The following ATP9B variants were observed in gnomAD, a reference collection of about 807,000 sequenced individuals.
ATP9B encodes the protein ATPase phospholipid transporting 9B.
A neutral mutation model predicts 146.1 loss-of-function variants in ATP9B; 110 were observed. The ratio of observed to expected loss-of-function variants is 0.75; its 90% CI spans 0.65 to 0.88. The LOEUF (loss-of-function observed/expected upper bound fraction) is 0.88. Ranked by LOEUF, ATP9B falls within the 40% of genes least tolerant of loss-of-function variation. The probability of loss-of-function intolerance (pLI) is 0.00; values close to 1 mark genes in which losing one functional copy is unlikely to be tolerated. For synonymous variants in ATP9B, 604 were observed against 569.7 expected (o/e 1.06, Z -0.86); for missense variants, 1,499 against 1,496.4 (o/e 1.00, Z -0.03).
chr18:79,202,504 G>A (rs150039535), intron 9 of ATP9B, among the ~76,000 whole-genome samples: 24 of 152,276 alleles, frequency 1.6e-4, no homozygotes, highest in Non-Finnish European at 2.9e-4. Context: ...TGTTTGTTAA[G>A]TAGGGTATGC....
chr18:79,312,179 C>G (rs901690025), intron 15 of ATP9B, among the ~76,000 whole-genome samples: 2 of 152,128 alleles, frequency 1.3e-5, no homozygotes, highest in African/African-American at 4.8e-5. Context: ...CAACCAGTGC[C>G]CCATCCAAAT....
At chr18:79,247,795 G>T (rs1347719463) in intron 11 of ATP9B, among the ~76,000 whole-genome samples, 1 of 152,062 alleles carries the variant, frequency 6.6e-6, no homozygotes, top group East Asian at 1.9e-4. Flanking sequence ...ATGTTCAAGG[G>T]AAAACATTTT....
At chr18:79,295,408 A>T (rs2096540755) in intron 13 of ATP9B, among the ~76,000 whole-genome samples, 1 of 152,234 alleles carries the variant, frequency 6.6e-6, no homozygotes, top group African/African-American at 2.4e-5. Context: ...AGAAAACTTG[A>T]ATCTTTTACT....
chr18:79,164,778 C>T (rs974544389), intron 7 of ATP9B, among the ~76,000 whole-genome samples: 1 of 152,066 alleles, frequency 6.6e-6, no homozygotes, highest in African/African-American at 2.4e-5. Context: ...GATTTAGGCA[C>T]TGAGTTGCTA....
intron 15 of ATP9B, among the ~76,000 whole-genome samples, chr18:79,327,428 C>A (rs1238704097): frequency 6.6e-6 from 1 of 151,498 alleles, no homozygotes; most frequent in Non-Finnish European, 1.5e-5. Flanking sequence ...TTGCAGAGAG[C>A]GTGCTCTCCA....
intron 3 of ATP9B, among the ~76,000 whole-genome samples, chr18:79,112,372 G>C (rs1025999772): frequency 3.9e-5 from 6 of 152,162 alleles, no homozygotes; most frequent in South Asian, 2.1e-4. Flanking sequence ...CTAATAATTA[G>C]AGGCGTTTGT....
intron 9 of ATP9B, among the ~76,000 whole-genome samples, chr18:79,204,771 CCTT>C (rs1247625239): frequency 1.3e-5 from 2 of 152,174 alleles, no homozygotes; most frequent in African/African-American, 4.8e-5. Flanking sequence ...GGCGCCTGCT[CCTT>C]AAGACCATTG....
chr18:79,206,848 TG>T, intron 9 of ATP9B, 88 bp from the exon 10 acceptor site: 1 of 1,218,952 alleles, frequency 8.2e-7, no homozygotes, highest in Non-Finnish European at 1.2e-6. Context: ...ATTGAGCTTG[TG>T]GACCTGTTTC....
chr18:79,212,614 T>C (rs1282250012), intron 10 of ATP9B, among the ~76,000 whole-genome samples: 1 of 152,214 alleles, frequency 6.6e-6, no homozygotes, highest in African/African-American at 2.4e-5. Flanking sequence ...AAACAGAAAA[T>C]ACTGATCAGA....
chr18:79,356,357 G>C (rs1289587793), intron 25 of ATP9B, among the ~76,000 whole-genome samples: 1 of 151,860 alleles, frequency 6.6e-6, no homozygotes, highest in Non-Finnish European at 1.5e-5. Flanking sequence ...TAGCACTCAC[G>C]CTCCTGGGCG....
intron 26 of ATP9B, among the ~76,000 whole-genome samples, chr18:79,364,781 TG>T (rs2097016422): frequency 1.3e-5 from 2 of 152,158 alleles, no homozygotes; most frequent in African/African-American, 4.8e-5. Context: ...ACCATCACTT[TG>T]GGAGGCTGAA....
intron 1 of ATP9B, among the ~76,000 whole-genome samples, chr18:79,074,882 A>G (rs192761814): frequency 6.6e-6 from 1 of 152,352 alleles, no homozygotes; most frequent in Non-Finnish European, 1.5e-5. Context: ...TATCGTGGTA[A>G]CATACACATA....
At chr18:79,175,207 A>G (rs967377347) in intron 7 of ATP9B, among the ~76,000 whole-genome samples, 2 of 151,466 alleles carry the variant, frequency 1.3e-5, no homozygotes, top group African/African-American at 2.4e-5. Flanking sequence ...CAAAAAAAAA[A>G]AAAAAAGAAA....
In ATP9B at chr18:79,155,785, T is replaced by C. The variant is rs1225584211; in HGVS notation, c.778+1230T>C. Among the ~76,000 whole-genome samples, 9 of 117,522 alleles carry C rather than the reference T, an allele frequency of 7.7e-5. No individual in the cohort carries two copies. The East Asian group carries it at 2.5e-3, about 32-fold the overall frequency. The allele number at this position is 117,522 out of a possible 152,430, so 77.1% of individuals were successfully genotyped here. ...TTTTTTTTTTTTTTTTTTTTTGAGA[T>C]GGAGTCTCGCTCTGTCGCCCAGGCT... On this transcript the variant is annotated intron_variant, in intron 7 of 29. Coordinates refer to ENST00000426216, the MANE Select transcript of ATP9B (RefSeq NM_198531.5).
At chr18:79,076,820 G>C (rs2072677341) in intron 1 of ATP9B, among the ~76,000 whole-genome samples, 1 of 152,010 alleles carries the variant, frequency 6.6e-6, no homozygotes, top group African/African-American at 2.4e-5. Flanking sequence ...CTGAGTTTCT[G>C]CTCATTTTTT....
chr18:79,161,444 A>C (rs1344170091), intron 7 of ATP9B, among the ~76,000 whole-genome samples: 1 of 152,200 alleles, frequency 6.6e-6, no homozygotes, highest in East Asian at 1.9e-4. Flanking sequence ...GATGGGTTCA[A>C]GTTAGGGCCC....
chr18:79,368,332 G>T (rs975316740), intron 26 of ATP9B, among the ~76,000 whole-genome samples: 1 of 152,214 alleles, frequency 6.6e-6, no homozygotes, highest in Admixed American at 6.5e-5. Flanking sequence ...TCGAGGCTGC[G>T]GTGAGCTGTG....
At chr18:79,106,596 C>G (rs575897686) in intron 2 of ATP9B, among the ~76,000 whole-genome samples, 3 of 152,072 alleles carry the variant, frequency 2.0e-5, no homozygotes, top group African/African-American at 7.2e-5. Context: ...ATGATAGTGG[C>G]GTCTTAACCA....
chr18:79,197,117 TACAG>T (rs1402327070), intron 9 of ATP9B, among the ~76,000 whole-genome samples: 2 of 152,202 alleles, frequency 1.3e-5, no homozygotes, highest in African/African-American at 2.4e-5. Context: ...ATAGAACTCA[TACAG>T]ACAATATTCT....
Sources: gnomAD v4.1 joint callset for allele counts (sites outside exome capture counted in the v4.1 genomes callset) on GRCh38, gnomAD v4.1.1 for gene constraint, MANE v1.5 for transcripts, NCBI Gene and HGNC (gene_info 2026-07-23, HGNC 2026-07-21) for gene names.